Variants in CCDC92 observed in about 807,000 individuals in gnomAD.
CCDC92 encodes coiled-coil domain containing 92, also known as coiled-coil domain-containing protein 92.
CCDC92 carries 12 observed loss-of-function variants against 24.9 expected under a neutral mutation model. The ratio of observed to expected loss-of-function variants is 0.48; its 90% CI spans 0.31 to 0.78. The LOEUF (loss-of-function observed/expected upper bound fraction) is 0.78. Ranked by LOEUF, CCDC92 falls within the 30% of genes least tolerant of loss-of-function variation. The pLI is 0.05. For synonymous variants in CCDC92, 193 were observed against 196.3 expected, an observed-to-expected ratio of 0.98 and a Z score of 0.14; for missense variants, 399 against 439.4, an observed-to-expected ratio of 0.91 and a Z score of 0.82.
At chr12:123,951,015 C>A (rs1187026969) in intron 1 of CCDC92, among the ~76,000 whole-genome samples, 3 of 152,214 alleles carry the variant, frequency 2.0e-5, no homozygotes, top group Non-Finnish European at 4.4e-5. Flanking sequence ...CCTCTAGCCC[C>A]TGGCATGGCC....
At chr12:123,938,072 T>A (rs1041154287) in intron 4 of CCDC92, among the ~76,000 whole-genome samples, 1 of 152,210 alleles carries the variant, frequency 6.6e-6, no homozygotes, top group East Asian at 1.9e-4. Flanking sequence ...AGAATGTCTC[T>A]GAACCTTAAA....
chr12:123,953,506 C>T (rs1236075286), intron 1 of CCDC92, among the ~76,000 whole-genome samples: 1 of 152,200 alleles, frequency 6.6e-6, no homozygotes, highest in Non-Finnish European at 1.5e-5. Context: ...CAGCCAGGCA[C>T]AGTGGCTCAT....
chr12:123,954,785 G>C (rs1014796917), intron 1 of CCDC92, among the ~76,000 whole-genome samples: 2 of 152,206 alleles, frequency 1.3e-5, no homozygotes, highest in Non-Finnish European at 1.5e-5. Flanking sequence ...GTGCCTTCTG[G>C]GAGTGTCCTG....
chr12:123,948,506 C>T (rs1955940837), intron 1 of CCDC92, among the ~76,000 whole-genome samples: 2 of 152,192 alleles, frequency 1.3e-5, no homozygotes, highest in Admixed American at 6.5e-5. Context: ...GGCAGGCGAG[C>T]AGGGAGAGTG....
chr12:123,960,364 A>G (rs541345651), intron 1 of CCDC92, among the ~76,000 whole-genome samples: 4 of 152,344 alleles, frequency 2.6e-5, no homozygotes, highest in East Asian at 3.8e-4. Flanking sequence ...CGCAAATAAA[A>G]AGAGTAAAAA....
In CCDC92 at chr12:123,937,147, CCTGCGGCGGGGT is replaced by C. The variant is rs770520723; in HGVS notation, c.895_906del (p.Thr299_Gln302del). The C allele has an allele frequency of 2.3e-5, 37 of 1,612,562 alleles. No individual in the cohort carries two copies. The Admixed American group carries it at 5.8e-4, about 25-fold the overall frequency. Reference sequence around the variant, plus strand: ...GCCAGGGTCTTCACCTCGGGCTGGGCCTGCGGCGGGGTGGCGTGGTGGATCCGATGTGCCACC... The same window carrying C: ...GCCAGGGTCTTCACCTCGGGCTGGGCGGCGTGGTGGATCCGATGTGCCACC... On this transcript the variant is annotated inframe_deletion, in exon 5 of 5. Transcript: ENST00000238156. The surrounding 1 kb of genome is among the most constrained non-coding windows in gnomAD (Gnocchi z 8.4).
chr12:123,943,551 C>T (rs1955756321), intron 2 of CCDC92, 58 bp from the exon 3 acceptor site: 1 of 1,598,786 alleles, frequency 6.3e-7, no homozygotes, highest in South Asian at 1.1e-5. Flanking sequence ...GGCTGCCTGC[C>T]CTCCTTGGCT....
intron 1 of CCDC92, chr12:123,946,025 C>CCCCTCCATCCATTTCCAGTCCA: frequency 1.3e-5 from 2 of 153,496 alleles, no homozygotes; most frequent in Non-Finnish European, 2.9e-5. Flanking sequence ...TGCTGGCATC[C>CCCCTCCATCCATTTCCAGTCCA]TGCTTTGAAA....
chr12:123,959,195 G>A (rs973951610), intron 1 of CCDC92, among the ~76,000 whole-genome samples: 3 of 152,202 alleles, frequency 2.0e-5, no homozygotes, highest in African/African-American at 4.8e-5. Context: ...CACCTCATTA[G>A]GATGTGGGGG....
chr12:123,939,927 T>C (rs536112547), intron 4 of CCDC92, among the ~76,000 whole-genome samples: 1 of 152,338 alleles, frequency 6.6e-6, no homozygotes, highest in South Asian at 2.1e-4. Flanking sequence ...AACCCATGCC[T>C]GTCGCAGGGC....
At position 123,937,461 on chromosome 12, in the gene CCDC92, A is replaced by G; in HGVS notation, c.593T>C (p.Leu198Pro). 1 of 1,613,286 alleles carries G rather than the reference A, an allele frequency of 6.2e-7. No homozygotes were observed. ...CATGCGGCGGCGAGGCGTTTCGGGT[A>G]GCTTGTCTTTGGGGGGCGCTGGCTT... ...SYKPAPPKDKLPETPRRRMKK... is the reference protein window; with the variant it reads ...SYKPAPPKDKPPETPRRRMKK... The change falls in exon 5 of 5, where the codon CTA becomes CCA. Residue 198 changes from leucine to proline, a missense_variant. Coordinates refer to ENST00000238156, the MANE Select transcript of CCDC92 (RefSeq NM_025140.3). The surrounding 1 kb of genome is among the most constrained non-coding windows in gnomAD (Gnocchi z 8.4).
chr12:123,943,109 T>C (rs940347978), intron 3 of CCDC92, among the ~76,000 whole-genome samples: 2 of 152,224 alleles, frequency 1.3e-5, no homozygotes, highest in Admixed American at 6.5e-5. Flanking sequence ...CCAAAACACA[T>C]TGGAGATTCT....
intron 1 of CCDC92, chr12:123,961,066 C>G (rs1457922969): frequency 6.6e-6 from 1 of 152,202 alleles, no homozygotes; most frequent in African/African-American, 2.4e-5. Context: ...GACTCAGCAA[C>G]TAAAGTACAA....
chr12:123,953,829 G>A (rs966342398), intron 1 of CCDC92, among the ~76,000 whole-genome samples: 2 of 151,922 alleles, frequency 1.3e-5, no homozygotes, highest in East Asian at 1.9e-4. Flanking sequence ...CGTGGCATCC[G>A]CCTGTAATCC....
intron 4 of CCDC92, among the ~76,000 whole-genome samples, chr12:123,939,473 C>CTGTT (rs1455409936): frequency 2.7e-5 from 4 of 150,168 alleles, no homozygotes; most frequent in African/African-American, 1.0e-4. Flanking sequence ...GTTGAAAATA[C>CTGTT]CGTAAGTCAA....
chr12:123,949,660 A>G (rs894559225), intron 1 of CCDC92, among the ~76,000 whole-genome samples: 1 of 152,220 alleles, frequency 6.6e-6, no homozygotes, highest in African/African-American at 2.4e-5. Flanking sequence ...AGTTTTTCCT[A>G]TGGCAAATCC....
intron 1 of CCDC92, among the ~76,000 whole-genome samples, chr12:123,960,142 G>A (rs916621187): frequency 1.3e-5 from 2 of 152,132 alleles, no homozygotes; most frequent in Non-Finnish European, 2.9e-5. Flanking sequence ...TTTCTGTCTT[G>A]TTCCCTGCTA....
At chr12:123,939,414 G>A (rs1955618704) in intron 4 of CCDC92, among the ~76,000 whole-genome samples, 1 of 152,196 alleles carries the variant, frequency 6.6e-6, no homozygotes, top group Non-Finnish European at 1.5e-5. Flanking sequence ...GCAGGTGATG[G>A]GCGCTCCTCG....
Position 123,937,256 on chromosome 12 carries a change from G to A in CCDC92, c.798C>T (p.Pro266=), listed in dbSNP as rs747338088. The part of the protein sequence containing the change: ...HLIKERPLVI[P]PIASDRSGEQ... ...CGCCGCTTCGGTCGGAGGCGATGGG[G>A]GGGATGACGAGGGGCCTCTCTTTGA... The change falls in exon 5 of 5, where the codon CCC becomes CCT. Residue 266 remains proline, a synonymous_variant. Coordinates refer to ENST00000238156, the MANE Select transcript of CCDC92 (RefSeq NM_025140.3). This position sits in a 1 kb window ranked among gnomAD's most constrained non-coding sequence, Gnocchi z 8.4. 64 of 1,611,410 alleles carry A rather than the reference G, an allele frequency of 4.0e-5. No homozygotes were observed. The African/African-American group carries it at 7.7e-4, about 19-fold the overall frequency.
Sources: allele counts gnomAD v4.1 joint callset (sites outside exome capture counted in the v4.1 genomes callset), GRCh38; gene constraint gnomAD v4.1.1; non-coding constraint Gnocchi (gnomAD v3.1); transcripts MANE v1.5; gene names NCBI Gene and HGNC (gene_info 2026-07-23, HGNC 2026-07-21).